Variants in RARB observed in about 807,000 individuals in gnomAD.
The protein encoded by RARB is HBV-activated protein.
Under a neutral mutation model 51.9 loss-of-function variants are expected in RARB, and 17 were observed. The ratio of observed to expected loss-of-function variants is 0.33; its 90% CI spans 0.22 to 0.49. The LOEUF is 0.49. Among genes scored for constraint, RARB ranks in the 20% least tolerant of loss-of-function variants. The probability of loss-of-function intolerance (pLI) is 0.99; values close to 1 mark genes in which losing one functional copy is unlikely to be tolerated. For missense variants in RARB, 369 were observed against 550.8 expected (o/e 0.67, Z 3.30); for synonymous variants, 215 against 195.4 (o/e 1.10, Z -0.84).
At chr3:25,093,704 G>A (rs556052816) in intron 3 of RARB, among the ~76,000 whole-genome samples, 1 of 150,832 alleles carries the variant, frequency 6.6e-6, no homozygotes, top group South Asian at 2.1e-4. Context: ...TCTTTACGGG[G>A]TTTTTTTTTG....
intron 3 of RARB, among the ~76,000 whole-genome samples, chr3:25,070,869 G>T (rs1035622854): frequency 6.6e-6 from 1 of 152,140 alleles, no homozygotes; most frequent in Non-Finnish European, 1.5e-5. Flanking sequence ...ACTAGTACTG[G>T]TGTCTCTATT....
At chr3:25,482,286 C>T (rs1306440102) in intron 2 of RARB, among the ~76,000 whole-genome samples, 1 of 152,136 alleles carries the variant, frequency 6.6e-6, no homozygotes, top group Admixed American at 6.6e-5. Context: ...AAGATTACTG[C>T]TCTTTGAAAT....
intron 2 of RARB, among the ~76,000 whole-genome samples, chr3:24,982,052 G>A (rs530294264): frequency 1.5e-3 from 234 of 152,292 alleles, no homozygotes; most frequent in African/African-American, 5.4e-3. Flanking sequence ...TTTGGGTCCT[G>A]GCCAGCCACT....
chr3:25,129,551 A>G (rs1484566715), intron 3 of RARB, among the ~76,000 whole-genome samples: 1 of 152,054 alleles, frequency 6.6e-6, no homozygotes, highest in African/African-American at 2.4e-5. Context: ...TAACCCTTCA[A>G]TATGTCTAAA....
rs114558617 is a variant in RARB at position 25,550,383 on chromosome 3, G to A, written c.449-19375G>A. Among the ~76,000 whole-genome samples, 57 of 152,190 alleles carry A rather than the reference G, an allele frequency of 3.7e-4. 1 individual carries two copies. Among genetic ancestry groups the A allele is most frequent in the African/African-American group, 1.3e-3 (55 of 41,530 alleles). ...TTATTTCTCCCAGTTCTGAAGGCTG[G>A]GAAGTCCAAGATCAAGGCACCAGGA... is the stretch of plus-strand genomic sequence containing the variant. On this transcript the variant is annotated intron_variant, in intron 3 of 7. Transcript: ENST00000330688.
At chr3:25,467,473 G>A (rs1465909006) in intron 2 of RARB, among the ~76,000 whole-genome samples, 2 of 143,878 alleles carry the variant, frequency 1.4e-5, no homozygotes, top group South Asian at 2.3e-4. Context: ...TGGTGGATGG[G>A]TTCCCATCAG....
At chr3:25,169,989 TAAAAA>T (rs58403240) in intron 4 of RARB, among the ~76,000 whole-genome samples, 4 of 137,478 alleles carry the variant, frequency 2.9e-5, no homozygotes, top group Admixed American at 7.2e-5. Context: ...CCTTATTTCT[TAAAAA>T]AAAAAAAAAA....
At chr3:25,325,567 GGT>G (rs1000168220) in intron 5 of RARB, among the ~76,000 whole-genome samples, 11 of 150,422 alleles carry the variant, frequency 7.3e-5, no homozygotes, top group South Asian at 2.1e-4. Flanking sequence ...ATTTTGTGGG[GGT>G]TTTTTTTTTA....
intron 2 of RARB, among the ~76,000 whole-genome samples, chr3:25,007,605 C>CAAAAA (rs1279154112): frequency 3.3e-5 from 2 of 60,648 alleles, no homozygotes; most frequent in Admixed American, 2.0e-4. Flanking sequence ...AAAAAAAAAA[C>CAAAAA]AAAAAAACCT....
intron 5 of RARB, among the ~76,000 whole-genome samples, chr3:25,184,821 G>C (rs1382346132): frequency 2.6e-5 from 4 of 152,000 alleles, no homozygotes; most frequent in Non-Finnish European, 4.4e-5. Flanking sequence ...AAGCTCAGGA[G>C]TTAGAGACCA....
chr3:24,902,551 T>C (rs1703630734), intron 2 of RARB, among the ~76,000 whole-genome samples: 1 of 152,080 alleles, frequency 6.6e-6, no homozygotes, highest in South Asian at 2.1e-4. Flanking sequence ...TTGGTCTGGG[T>C]TGGGAATTTT....
At chr3:25,195,549 C>A (rs140419375) in intron 5 of RARB, among the ~76,000 whole-genome samples, 132 of 152,116 alleles carry the variant, frequency 8.7e-4, no homozygotes, top group African/African-American at 3.1e-3. Flanking sequence ...CCTTTAACTA[C>A]TTTCCAACTT....
intron 3 of RARB, among the ~76,000 whole-genome samples, chr3:25,126,857 A>G (rs17015824): frequency 0.021 from 3,221 of 152,276 alleles, 87 homozygotes; most frequent in African/African-American, 0.064. Context: ...TCTGAGAATT[A>G]GTCCCAAGGG....
At chr3:25,011,757 G>A (rs1338716265) in intron 2 of RARB, among the ~76,000 whole-genome samples, 1 of 152,072 alleles carries the variant, frequency 6.6e-6, no homozygotes, top group Non-Finnish European at 1.5e-5. Context: ...TGTGTCCTTA[G>A]TGGACTTTAT....
intron 5 of RARB, among the ~76,000 whole-genome samples, chr3:25,391,628 G>A (rs1706962095): frequency 6.6e-6 from 1 of 152,046 alleles, no homozygotes; most frequent in Admixed American, 6.6e-5. Flanking sequence ...GATTTCTATT[G>A]CCCTGAAAAT....
intron 2 of RARB, among the ~76,000 whole-genome samples, chr3:24,919,124 T>C (rs1395910324): frequency 1.3e-5 from 2 of 152,200 alleles, no homozygotes; most frequent in Non-Finnish European, 2.9e-5. Flanking sequence ...AAACTGTACT[T>C]ATCACAGCAT....
rs1295279140 is a variant in RARB, at chr3:25,383,557, G to A, written c.179-77636G>A. On this transcript the variant is annotated intron_variant, in intron 5 of 11. Coordinates refer to the RARB transcript ENST00000383772. ...GTCCAATATAACTTTGTATGATGAT[G>A]CAAATGTTCTATATTTATGTTATCT... is the stretch of plus-strand genomic sequence containing the variant. 3.9e-5 allele frequency among the ~76,000 whole-genome samples: 6 copies of A among 152,286 alleles called. No homozygotes were observed. The South Asian group carries it at 1.2e-3, about 32-fold the overall frequency.
intron 2 of RARB, among the ~76,000 whole-genome samples, chr3:25,011,331 C>A (rs78841667): frequency 6.6e-6 from 1 of 152,102 alleles, no homozygotes; most frequent in Non-Finnish European, 1.5e-5. Flanking sequence ...AAGATCTCCA[C>A]TGAGAAGGTG....
chr3:25,572,419 C>T lies in RARB; in HGVS notation c.609+2501C>T, dbSNP rs142866729. Among the ~76,000 whole-genome samples, 564 of 152,224 alleles carry T rather than the reference C, an allele frequency of 3.7e-3. 1 individual carries two copies. Among genetic ancestry groups the T allele is most frequent in the Middle Eastern group, 0.01 (3 of 294 alleles). ...TATGAGGACTCTGTGATTTGGGTTTCGTTGCCCTCATATTACAGATGCAAA... is the reference window on the plus strand; with the variant it reads ...TATGAGGACTCTGTGATTTGGGTTTTGTTGCCCTCATATTACAGATGCAAA... On this transcript the variant is annotated intron_variant, in intron 4 of 7. Coordinates refer to ENST00000330688, the MANE Select transcript of RARB (RefSeq NM_000965.5).
Sources: allele counts gnomAD v4.1 joint callset (sites outside exome capture counted in the v4.1 genomes callset), GRCh38; gene constraint gnomAD v4.1.1; transcripts MANE v1.5; gene names NCBI Gene and HGNC (gene_info 2026-07-23, HGNC 2026-07-21).